The following COL12A1 variants were observed in gnomAD, a reference collection of about 807,000 sequenced individuals.
COL12A1 encodes the protein collagen alpha-1(XII) chain.
In COL12A1, 114 loss-of-function variants were observed where a neutral mutation model predicts 349.7. The observed-to-expected ratio is 0.33, with a 90% CI of 0.28 to 0.38. The LOEUF is 0.38. COL12A1 is among the 10% of genes least tolerant of loss of function. The pLI is 1.00. For synonymous variants in COL12A1, 1,369 were observed against 1,329.0 expected (o/e 1.03, Z -0.66); for missense variants, 3,284 against 3,756.9 (o/e 0.87, Z 3.29).
At chr6:75,201,551 A>T (rs763286458) in intron 2 of COL12A1, among the ~76,000 whole-genome samples, 2 of 151,604 alleles carry the variant, frequency 1.3e-5, no homozygotes, top group Admixed American at 1.3e-4. Flanking sequence ...GCACACCTCA[A>T]CCCAGAACTT....
At chr6:75,156,678 G>T (rs530840527) in intron 14 of COL12A1, among the ~76,000 whole-genome samples, 155 bp from the exon 15 acceptor site, 2 of 152,216 alleles carry the variant, frequency 1.3e-5, no homozygotes, top group African/African-American at 4.8e-5. Context: ...TCATGATGGC[G>T]TGTGAGCCTA....
Position 75,086,393 on chromosome 6 carries a change from C to G in COL12A1, c.*154G>C, listed in dbSNP as rs898234144. The stretch of plus-strand genomic sequence containing the variant: ...TTCAAGTTAGTAAAAAGAGTCTCCA[C>G]CCTCCTTTGTGATGTCGACCCGGTT... On this transcript the variant is annotated 3_prime_UTR_variant, in exon 66 of 66. Transcript: ENST00000322507. 1.3e-5 allele frequency: 6 copies of G among 451,748 alleles called. No individual in the cohort carries two copies. The highest frequency in any genetic ancestry group is 2.0e-5 in the Non-Finnish European group (5 of 247,008). The allele number at this position is 451,748 out of a possible 1,614,324, so 28.0% of individuals were successfully genotyped here.
intron 65 of COL12A1, 21 bp from the exon 66 acceptor site, chr6:75,086,578 T>C (rs568158007): frequency 1.3e-6 from 2 of 1,593,998 alleles, no homozygotes; most frequent in Non-Finnish European, 1.7e-6. Flanking sequence ...TCAAAGATGA[T>C]AGTTTTTAAA....
intron 10 of COL12A1, 60 bp from the exon 11 acceptor site, chr6:75,181,271 C>T: frequency 6.8e-7 from 1 of 1,464,710 alleles, no homozygotes; most frequent in Non-Finnish European, 9.2e-7. Flanking sequence ...AAAACAGTAA[C>T]CAATATTTCA....
At chr6:75,174,248 T>C (rs1768790589) in intron 13 of COL12A1, among the ~76,000 whole-genome samples, 1 of 152,116 alleles carries the variant, frequency 6.6e-6, no homozygotes, top group Non-Finnish European at 1.5e-5. Flanking sequence ...AGAAATCACT[T>C]AGAAAACAAA....
At chr6:75,091,687 A>C (rs1418882111) in intron 60 of COL12A1, among the ~76,000 whole-genome samples, 162 bp from the exon 61 acceptor site, 1 of 152,084 alleles carries the variant, frequency 6.6e-6, no homozygotes, top group Non-Finnish European at 1.5e-5. Flanking sequence ...CTTTTCTATA[A>C]AAAGGAATCT....
In COL12A1 at chr6:75,175,299, G is replaced by T; in HGVS notation, c.2449C>A (p.Pro817Thr). 4 of 1,613,722 alleles carry T rather than the reference G, an allele frequency of 2.5e-6. No homozygotes were observed. The highest frequency in any genetic ancestry group is 2.5e-6 in the Non-Finnish European group (3 of 1,179,832). ...NAATEEVRGN[P>T]RDLRVSDPTT... ...GGGTCAGAAACTCTTAAGTCTCTTG[G>T]ATTCCCTCTAACTTCATTAAAAAAT... Residue 817 changes from proline (P) to threonine (T), a missense_variant, in exon 13 of 66, where the codon CCA becomes ACA. Physicochemically the swap from Pro to Thr is conservative, Grantham distance 38. Transcript: ENST00000322507.
In COL12A1 at chr6:75,180,953, T is replaced by C; in HGVS notation, c.2150A>G (p.Glu717Gly). The C allele has an allele frequency of 6.2e-7, 1 of 1,611,750 alleles. No individual in the cohort carries two copies. Among genetic ancestry groups the C allele is most frequent in the Non-Finnish European group, 8.5e-7 (1 of 1,178,256 alleles). Residue 717 changes from glutamate (E) to glycine (G), a missense_variant, in exon 11 of 66, where the codon GAG becomes GGG. Glu to Gly is a moderately conservative substitution (Grantham distance 98). This residue lies in a region of COL12A1 where 2,601 missense variants were observed against 2,824.8 expected (regional missense o/e 0.92). Coordinates refer to ENST00000322507, the MANE Select transcript of COL12A1 (RefSeq NM_004370.6). ...DGFSIPLAGEETTEEVKGAPR... is the reference protein window; with the variant it reads ...DGFSIPLAGEGTTEEVKGAPR... Reference sequence around the variant, plus strand: ...CCCCATCACACCTTCTTCGGTGGTCTCCTCTCCAGCTAAGGGAATGCTGAA... The same window carrying C: ...CCCCATCACACCTTCTTCGGTGGTCCCCTCTCCAGCTAAGGGAATGCTGAA...
chr6:75,175,218 ACT>A lies in COL12A1; in HGVS notation c.2528_2529del (p.Gln843LeufsTer12). 1 of 1,614,174 alleles carries A rather than the reference ACT, an allele frequency of 6.2e-7. No homozygotes were observed. The highest frequency in any genetic ancestry group is 8.5e-7 in the Non-Finnish European group (1 of 1,180,024). On this transcript the variant is annotated frameshift_variant, in exon 13 of 66. Transcript: ENST00000322507. LOFTEE classifies it high-confidence loss of function. The part of the protein sequence containing the change: ...SWSGAPGKVK[Q>X]YLVTYTPVAG... ...GCCACTGGGGTATATGTGACGAGAT[ACT>A]GTTTCACTTTTCCTGGTGCCCCACT...
chr6:75,147,479 C>T (rs539573253), intron 23 of COL12A1, among the ~76,000 whole-genome samples, 196 bp downstream of exon 23: 1 of 152,270 alleles, frequency 6.6e-6, no homozygotes, highest in South Asian at 2.1e-4. Context: ...AGTGGAGCTC[C>T]ATGATGGCAG....
intron 40 of COL12A1, 28 bp from the exon 41 acceptor site, chr6:75,124,399 A>G: frequency 6.6e-7 from 1 of 1,523,172 alleles, no homozygotes; most frequent in Non-Finnish European, 9.0e-7. Context: ...AAAGAGATTT[A>G]CTTTGTAAAT....
chr6:75,178,923 G>C (rs1461150904), intron 11 of COL12A1, among the ~76,000 whole-genome samples: 2 of 152,144 alleles, frequency 1.3e-5, no homozygotes, highest in African/African-American at 4.8e-5. Flanking sequence ...ATTTTGTATT[G>C]GAAGGAAAAA....
Position 75,113,730 on chromosome 6 carries a change from T to C in COL12A1, c.7712A>G (p.Asn2571Ser). 1.3e-6 allele frequency: 2 copies of C among 1,591,952 alleles called. No individual in the cohort carries two copies. Among genetic ancestry groups the C allele is most frequent in the Non-Finnish European group, 1.7e-6 (2 of 1,165,920 alleles). ...VNQPTADLHP[N>S]GLPPSYTIIL... ...AATCGTGTATGAAGGAGGGAGTCCA[T>C]TTGGGTGTAGGTCTCTGTTGGATAA... is the stretch of plus-strand genomic sequence containing the variant. The change falls in exon 50 of 66, where the codon AAT becomes AGT. Residue 2571 changes from asparagine (N) to serine (S), a missense_variant. Physicochemically the swap from Asn to Ser is conservative, Grantham distance 46. Coordinates refer to ENST00000322507, the MANE Select transcript of COL12A1 (RefSeq NM_004370.6).
At chr6:75,104,174 C>T (rs551232176) in intron 54 of COL12A1, among the ~76,000 whole-genome samples, 6 of 152,166 alleles carry the variant, frequency 3.9e-5, no homozygotes, top group South Asian at 2.1e-4. Flanking sequence ...TATCTTAAAT[C>T]GCTCAGAGTA....
intron 32 of COL12A1, 87 bp from the exon 33 acceptor site, chr6:75,134,084 C>A: frequency 1.4e-6 from 2 of 1,430,338 alleles, no homozygotes; most frequent in Admixed American, 2.1e-5. Context: ...CCCAGGCACC[C>A]TAGAACATAG....
At chr6:75,118,230 G>A (rs1769181827) in intron 46 of COL12A1, among the ~76,000 whole-genome samples, 1 of 151,994 alleles carries the variant, frequency 6.6e-6, no homozygotes, top group Non-Finnish European at 1.5e-5. Context: ...ATCTGTGTAA[G>A]GTGTATAACA....
At chr6:75,197,861 C>T (rs777829559) in intron 2 of COL12A1, among the ~76,000 whole-genome samples, 15 of 152,174 alleles carry the variant, frequency 9.9e-5, no homozygotes, top group African/African-American at 2.7e-4. Context: ...TACGAAGACT[C>T]ATTCTGATGA....
intron 13 of COL12A1, among the ~76,000 whole-genome samples, chr6:75,167,765 T>C (rs958996504): frequency 1.3e-5 from 2 of 152,226 alleles, no homozygotes; most frequent in Non-Finnish European, 2.9e-5. Flanking sequence ...TGTCTTCCTA[T>C]GGATTTTAAT....
At chr6:75,131,101 A>G in intron 35 of COL12A1, 120 bp from the exon 36 acceptor site, 1 of 1,300,392 alleles carries the variant, frequency 7.7e-7, no homozygotes, top group Non-Finnish European at 1.1e-6. Context: ...TCAGAAGCCA[A>G]CTGTGCTTCT....
Sources: gnomAD v4.1 joint callset for allele counts (sites outside exome capture counted in the v4.1 genomes callset) on GRCh38, gnomAD v4.1.1 for gene constraint, gnomAD v4.1.1 regional missense constraint, MANE v1.5 for transcripts, NCBI Gene and HGNC (gene_info 2026-07-23, HGNC 2026-07-21) for gene names.